Variants in FASN observed in about 807,000 individuals in gnomAD.
FASN encodes fatty acid synthase, also known as 3-hydroxyacyl-[acyl-carrier-protein] dehydratase.
A neutral mutation model predicts 250.0 loss-of-function variants in FASN; 50 were observed. The ratio of observed to expected loss-of-function variants is 0.20; its 90% CI spans 0.16 to 0.25. The LOEUF (loss-of-function observed/expected upper bound fraction) is 0.25. Ranked by LOEUF, FASN falls within the 10% of genes least tolerant of loss-of-function variation. FASN has a pLI of 1.00. For synonymous variants in FASN, 1,909 were observed against 1,584.0 expected, an observed-to-expected ratio of 1.21 and a Z score of -4.87; for missense variants, 3,031 against 3,498.5, an observed-to-expected ratio of 0.87 and a Z score of 3.37.
chr17:82,082,725 C>T, intron 33 of FASN, 47 bp from the exon 34 acceptor site: 1 of 1,599,254 alleles, frequency 6.3e-7, no homozygotes, highest in Non-Finnish European at 8.5e-7. Flanking sequence ...GGTACGGTCT[C>T]TTCCCTACAC....
chr17:82,091,568 G>A lies in FASN; in HGVS notation c.1146C>T (p.Pro382=), dbSNP rs751682421. The change falls in exon 9 of 43, where the codon CCC becomes CCT. Residue 382 remains proline, a synonymous_variant. Coordinates refer to ENST00000306749, the MANE Select transcript of FASN (RefSeq NM_004104.5). ...GRLQVVDQPL[P]VRGGNVGINS... is the part of the protein sequence containing the mutation. The stretch of plus-strand genomic sequence containing the variant: ...TGATGCCCACGTTGCCGCCACGGAC[G>A]GGCAGGGGCTGGTCCACCACCTGCA... 1.3e-5 allele frequency: 20 copies of A among 1,589,642 alleles called. No homozygotes were observed. The highest frequency in any genetic ancestry group is 1.7e-4 in the Middle Eastern group (1 of 6,054).
chr17:82,082,167 G>T lies in FASN; in HGVS notation c.6012-7C>A. 1 of 1,601,862 alleles carries T rather than the reference G, an allele frequency of 6.2e-7. No individual in the cohort carries two copies. Among genetic ancestry groups the T allele is most frequent in the Non-Finnish European group, 8.5e-7 (1 of 1,179,902 alleles). ...GCACGCCTCTCGGGTCACCCTGTGG[G>T]CACGCGTGTCACTCCCCATTGGCCA... On this transcript the variant is annotated splice_region_variant and splice_polypyrimidine_tract_variant and intron_variant, in intron 35 of 42. Transcript: ENST00000306749.
Position 82,095,470 on chromosome 17 carries a change from G to C in FASN, c.130C>G (p.Leu44Val). The C allele has an allele frequency of 6.2e-7, 1 of 1,612,124 alleles. No individual in the cohort carries two copies. Among genetic ancestry groups the C allele is most frequent in the Non-Finnish European group, 8.5e-7 (1 of 1,179,998 alleles). ...CCGGACCGCCGGGGCAGGCCGTAGA[G>C]CCCTGTGGGACAGGCGGGTGTTTAA... is the stretch of plus-strand genomic sequence containing the variant. Reference protein sequence around the residue: ...TDDDRRWKAGLYGLPRRSGKL... With the variant: ...TDDDRRWKAGVYGLPRRSGKL... The change falls in exon 3 of 43, where the codon CTC becomes GTC. Residue 44 changes from leucine (L) to valine (V), a missense_variant and splice_region_variant. Coordinates refer to ENST00000306749, the MANE Select transcript of FASN (RefSeq NM_004104.5).
At chr17:82,084,746 G>C (rs755156790) in intron 26 of FASN, 30 bp from the exon 27 acceptor site, 1 of 1,549,886 alleles carries the variant, frequency 6.5e-7, no homozygotes, top group Admixed American at 2.0e-5. Flanking sequence ...GGGCTGCTGC[G>C]GGGCCTTCGG....
rs1289567671 is a variant in FASN at position 82,092,764 on chromosome 17, A to G, written c.827T>C (p.Leu276Ser). 3 of 1,606,196 alleles carry G rather than the reference A, an allele frequency of 1.9e-6. No individual in the cohort carries two copies. Among genetic ancestry groups the G allele is most frequent in the Non-Finnish European group, 8.5e-7 (1 of 1,177,780 alleles). ...AGGGGCCACTCCGGCCGACTGGTAC[A>G]ACGAGCGGATGAGCTGCTCCTGGAT... ...GDIQEQLIRS[L>S]YQSAGVAPES... The change falls in exon 7 of 43, where the codon TTG becomes TCG. Residue 276 changes from leucine (L) to serine (S), a missense_variant. Coordinates refer to ENST00000306749, the MANE Select transcript of FASN (RefSeq NM_004104.5).
chr17:82,092,882 C>A lies in FASN; in HGVS notation c.778+15G>T, dbSNP rs1362221150. 4 of 1,595,774 alleles carry A rather than the reference C, an allele frequency of 2.5e-6. No homozygotes were observed. The highest frequency in any genetic ancestry group is 3.4e-6 in the Non-Finnish European group (4 of 1,171,956). On this transcript the variant is annotated intron_variant, in intron 6 of 42. Transcript: ENST00000306749. ...CACCTGCCCCCCAGCACCCCGGAACCCCGGCAGAGCCCACCTTGCTCCTTG... is the reference window on the plus strand; with the variant it reads ...CACCTGCCCCCCAGCACCCCGGAACACCGGCAGAGCCCACCTTGCTCCTTG...
chr17:82,097,099 G>A (rs1027623631), intron 1 of FASN, among the ~76,000 whole-genome samples: 5 of 152,224 alleles, frequency 3.3e-5, no homozygotes, highest in Non-Finnish European at 7.4e-5. Flanking sequence ...TGCTCTGGGG[G>A]AAAGGTGGCC....
In FASN at chr17:82,080,675, G is replaced by C. The variant is rs369714074; in HGVS notation, c.6826+17C>G. ...GCCAGCACTGACCACCGCTTCCAGA[G>C]GAGGGCCCGGGAGTACCTCGGGTGC... On this transcript the variant is annotated intron_variant, in intron 39 of 42. Transcript: ENST00000306749. 1 of 1,568,334 alleles carries C rather than the reference G, an allele frequency of 6.4e-7. No individual in the cohort carries two copies. The highest frequency in any genetic ancestry group is 1.2e-5 in the South Asian group (1 of 85,642).
chr17:82,089,550 T>C (rs528491577), intron 12 of FASN, 82 bp downstream of exon 12: 5 of 1,544,648 alleles, frequency 3.2e-6, no homozygotes, highest in East Asian at 2.4e-5. Context: ...TGGTGGGGCG[T>C]AGACCGTGGC....
chr17:82,097,555 C>T (rs1462628782), intron 1 of FASN: 1 of 152,320 alleles, frequency 6.6e-6, no homozygotes, highest in African/African-American at 2.4e-5. Context: ...TGGGTCCTCG[C>T]CGCTTGCTAT....
chr17:82,085,944 C>T (rs2034090918), intron 22 of FASN, 73 bp from the exon 23 acceptor site: 1 of 1,439,246 alleles, frequency 6.9e-7, no homozygotes, highest in South Asian at 1.4e-5. Context: ...GCAAAATGTC[C>T]ATGAGGCCTC....
chr17:82,080,067 C>T, intron 41 of FASN, 73 bp downstream of exon 41: 9 of 1,483,798 alleles, frequency 6.1e-6, no homozygotes, highest in Non-Finnish European at 8.5e-6. Context: ...CGTCCCATCC[C>T]ATCCTTCCCT....
chr17:82,086,214 A>C (rs1272441128), intron 22 of FASN, 40 bp downstream of exon 22: 6 of 1,537,664 alleles, frequency 3.9e-6, no homozygotes, highest in Middle Eastern at 2.0e-4. Context: ...GGGTCCTACC[A>C]TGTCCGGGGC....
chr17:82,081,508 A>C, intron 37 of FASN, 93 bp downstream of exon 37: 1 of 1,595,834 alleles, frequency 6.3e-7, no homozygotes. Flanking sequence ...GCAGATGGGG[A>C]AACTGAGGCG....
chr17:82,090,290 C>G, intron 11 of FASN, 85 bp downstream of exon 11: 1 of 1,385,198 alleles, frequency 7.2e-7, no homozygotes, highest in Non-Finnish European at 9.8e-7. Flanking sequence ...CTACGGGGGC[C>G]AGGCCAGGGC....
chr17:82,096,249 G>A, intron 2 of FASN, 70 bp downstream of exon 2: 1 of 1,592,602 alleles, frequency 6.3e-7, no homozygotes, highest in South Asian at 1.1e-5. Flanking sequence ...ACAGCAGGGA[G>A]GCTGCTGTGA....
chr17:82,094,926 T>C lies in FASN; in HGVS notation c.280+394A>G, dbSNP rs1445831947. Among the ~76,000 whole-genome samples, 3 of 18,120 alleles carry C rather than the reference T, an allele frequency of 1.7e-4. No individual in the cohort carries two copies. In the East Asian group the frequency reaches 7.6e-3, roughly 46 times the overall value. The allele number at this position is 18,120 out of a possible 152,430, so 11.9% of individuals were successfully genotyped here. A position where few individuals can be genotyped will look rare whatever the true frequency, so the allele number is the denominator to read the frequency against. ...GGTGGGGGGACGTGGGCAAGGGTAG[T>C]GGGGAGGGTGGGAGGGGAGAGACAG... On this transcript the variant is annotated intron_variant, in intron 3 of 42. Transcript: ENST00000306749.
At position 82,079,614 on chromosome 17, in the gene FASN, G is replaced by C; in HGVS notation, c.7147-6C>G. On this transcript the variant is annotated splice_region_variant and splice_polypyrimidine_tract_variant and intron_variant, in intron 41 of 42. Transcript: ENST00000306749. ...GGCAGCAGCGCCTCCAGCACCTGTG[G>C]GGTCGGGCTCTGAGCAGGTGCTGGC... 6.3e-7 allele frequency: 1 copy of C among 1,598,900 alleles called. No individual in the cohort carries two copies.
Position 82,081,024 on chromosome 17 carries a change from AGGTGGGAGTCGG to A in FASN, c.6596-114_6596-103del, listed in dbSNP as rs1271063768. The A allele has an allele frequency of 7.2e-6, 10 of 1,385,666 alleles. No homozygotes were observed. In the Admixed American group the frequency reaches 2.0e-4, roughly 27 times the overall value. 85.8% of individuals were successfully genotyped at this position (1,385,666 alleles called of 1,614,324 possible). ...ACGCAGGTCCCCACGGTGCTACGTC[AGGTGGGAGTCGG>A]GGTGGGAACGCTCAGAATGGCACCC... On this transcript the variant is annotated intron_variant, in intron 38 of 42. Transcript: ENST00000306749.
Sources: allele counts gnomAD v4.1 joint callset (sites outside exome capture counted in the v4.1 genomes callset), GRCh38; gene constraint gnomAD v4.1.1; transcripts MANE v1.5; gene names NCBI Gene and HGNC (gene_info 2026-07-23, HGNC 2026-07-21).